The following CHN2 variants were observed in gnomAD, a reference collection of about 807,000 sequenced individuals.
CHN2 encodes chimerin 2.
Under a neutral mutation model 56.3 loss-of-function variants are expected in CHN2, and 35 were observed. The observed-to-expected ratio is 0.62, with a 90% CI of 0.47 to 0.82. The LOEUF (loss-of-function observed/expected upper bound fraction) is 0.82, where lower values mean the gene tolerates loss of function less well. CHN2 is among the 40% of genes least tolerant of loss of function. The pLI, the probability that CHN2 is intolerant of heterozygous loss-of-function variation, is 0.00. For missense variants in CHN2, 491 were observed against 580.5 expected, an observed-to-expected ratio of 0.85 and a Z score of 1.58; for synonymous variants, 210 against 212.8, an observed-to-expected ratio of 0.99 and a Z score of 0.12.
chr7:29,240,798 CTCTTCTTCTTCTTCT>C (rs559491542), intron 1 of CHN2, among the ~76,000 whole-genome samples: 1 of 133,396 alleles, frequency 7.5e-6, no homozygotes, highest in Non-Finnish European at 1.6e-5. Flanking sequence ...CTTCTTCTTC[CTCTTCTTCTTCTTCT>C]TCTTCGTCGT....
At chr7:29,374,417 C>G (rs532105345) in intron 3 of CHN2, among the ~76,000 whole-genome samples, 1 of 151,970 alleles carries the variant, frequency 6.6e-6, no homozygotes, top group African/African-American at 2.4e-5. Flanking sequence ...AAAAAACTTT[C>G]TTTTTTATTG....
At chr7:29,304,143 AAC>A (rs1334490381) in intron 1 of CHN2, among the ~76,000 whole-genome samples, 1 of 152,190 alleles carries the variant, frequency 6.6e-6, no homozygotes, top group South Asian at 2.1e-4. Flanking sequence ...CAAAATGAAA[AAC>A]ACACAAAAAG....
At chr7:29,211,935 A>G (rs539279508) in intron 1 of CHN2, among the ~76,000 whole-genome samples, 9 of 152,334 alleles carry the variant, frequency 5.9e-5, no homozygotes, top group African/African-American at 1.9e-4. Flanking sequence ...GTAAAGAGAA[A>G]ACTATAACGA....
chr7:29,456,630 C>CCACCACCAA lies in CHN2; in HGVS notation c.577-23644_577-23643insCCAACACCA, dbSNP rs1554296790. Among the ~76,000 whole-genome samples, 214 of 143,992 alleles carry CCACCACCAA rather than the reference C, an allele frequency of 1.5e-3. 7 individuals are homozygous for CCACCACCAA. The East Asian group carries it at 0.042, about 28-fold the overall frequency. The allele number at this position is 143,992 out of a possible 152,430, so 94.5% of individuals were successfully genotyped here. On this transcript the variant is annotated intron_variant, in intron 6 of 12. Coordinates refer to ENST00000222792, the MANE Select transcript of CHN2 (RefSeq NM_004067.4). ...ACCCGCCCCCTCCCCCCCACCACCA[C>CCACCACCAA]CACCAACACCCCTCTTCTCGCCATT...
At chr7:29,290,992 G>A (rs1792565061) in intron 1 of CHN2, among the ~76,000 whole-genome samples, 1 of 152,152 alleles carries the variant, frequency 6.6e-6, no homozygotes, top group South Asian at 2.1e-4. Flanking sequence ...CTTTCCGAGG[G>A]TTGCATCTCT....
intron 1 of CHN2, among the ~76,000 whole-genome samples, chr7:29,291,155 G>A (rs1260360204): frequency 6.6e-6 from 1 of 152,108 alleles, no homozygotes; most frequent in African/African-American, 2.4e-5. Context: ...TCTAGAGGAA[G>A]GTCATATACC....
chr7:29,482,089 C>A (rs1437887014), intron 7 of CHN2, among the ~76,000 whole-genome samples: 1 of 152,100 alleles, frequency 6.6e-6, no homozygotes, highest in Non-Finnish European at 1.5e-5. Flanking sequence ...GTTGCTAACA[C>A]AATATATTAC....
At chr7:29,156,422 C>T (rs2128701602) in intron 2 of CHN2, among the ~76,000 whole-genome samples, 1 of 152,212 alleles carries the variant, frequency 6.6e-6, no homozygotes, top group Non-Finnish European at 1.5e-5. Context: ...AAGCTACCTC[C>T]AAAACCCGAA....
At chr7:29,234,648 C>T (rs925508279) in intron 1 of CHN2, among the ~76,000 whole-genome samples, 1 of 152,122 alleles carries the variant, frequency 6.6e-6, no homozygotes, top group Non-Finnish European at 1.5e-5. Context: ...GAGATCTGTA[C>T]CCCTTGTTGT....
chr7:29,480,421 T>C, intron 7 of CHN2, 65 bp downstream of exon 7: 1 of 1,517,292 alleles, frequency 6.6e-7, no homozygotes, highest in South Asian at 1.1e-5. Context: ...CAGTGTATAG[T>C]TTCCGTCTGG....
Position 29,512,576 on chromosome 7 carries a change from T to C in CHN2, c.1248T>C (p.Asn416=). ...GTTTGTTTTGCAGGGTTACTATGAA[T>C]GAAAAAGACAATTTCATGAATGCAG... ...LMIHLKKVTM[N]EKDNFMNAEN... The change falls in exon 13 of 13, where the codon AAT becomes AAC. Residue 416 remains asparagine, a synonymous_variant. Transcript: ENST00000222792. 1 of 1,612,382 alleles carries C rather than the reference T, an allele frequency of 6.2e-7. No individual in the cohort carries two copies. Among genetic ancestry groups the C allele is most frequent in the Non-Finnish European group, 8.5e-7 (1 of 1,179,460 alleles).
chr7:29,368,059 G>A lies in CHN2; in HGVS notation c.144+72G>A, dbSNP rs1799312195. 3.9e-6 allele frequency: 5 copies of A among 1,279,976 alleles called. No individual in the cohort carries two copies. The South Asian group carries it at 7.1e-5, about 18-fold the overall frequency. 79.3% of individuals were successfully genotyped at this position (1,279,976 alleles called of 1,614,324 possible). A position where few individuals can be genotyped will look rare whatever the true frequency, so the allele number is the denominator to read the frequency against. On this transcript the variant is annotated intron_variant, in intron 3 of 12. Transcript: ENST00000222792. ...TGTCAGCACTATGTAGAGAGTGGAGGGATTTCAGGTTTCCTGGGAGTTGAT... is the reference window on the plus strand; with the variant it reads ...TGTCAGCACTATGTAGAGAGTGGAGAGATTTCAGGTTTCCTGGGAGTTGAT...
intron 2 of CHN2, among the ~76,000 whole-genome samples, chr7:29,169,032 C>T (rs1005873902): frequency 1.3e-5 from 2 of 152,208 alleles, no homozygotes; most frequent in Non-Finnish European, 2.9e-5. Flanking sequence ...AAAATGGACT[C>T]AAATTGTGGT....
chr7:29,205,699 C>T (rs982504801), intron 1 of CHN2, among the ~76,000 whole-genome samples: 1 of 152,270 alleles, frequency 6.6e-6, no homozygotes, highest in African/African-American at 2.4e-5. Context: ...TAGAGTTTCT[C>T]TACTCTATGT....
intron 4 of CHN2, among the ~76,000 whole-genome samples, chr7:29,396,418 G>A (rs1039157574): frequency 4.7e-5 from 6 of 128,818 alleles, no homozygotes; most frequent in African/African-American, 1.8e-4. Flanking sequence ...CTGAGATCGC[G>A]CCATTGCACT....
At chr7:29,202,550 A>C (rs1784239250) in intron 1 of CHN2, among the ~76,000 whole-genome samples, 1 of 152,250 alleles carries the variant, frequency 6.6e-6, no homozygotes, top group South Asian at 2.1e-4. Context: ...CATTGGATTC[A>C]GAAACTATAA....
intron 2 of CHN2, among the ~76,000 whole-genome samples, chr7:29,164,993 G>C (rs1305469433): frequency 6.6e-6 from 1 of 151,980 alleles, no homozygotes; most frequent in African/African-American, 2.4e-5. Context: ...TATAGTGTGA[G>C]TTCTACAACT....
At chr7:29,398,340 C>G in intron 4 of CHN2, 33 bp from the exon 5 acceptor site, 1 of 1,474,152 alleles carries the variant, frequency 6.8e-7, no homozygotes. Flanking sequence ...TGTATGTGGT[C>G]TGTTCAGAGC....
At chr7:29,502,395 C>T (rs1181430884) in intron 9 of CHN2, among the ~76,000 whole-genome samples, 1 of 152,136 alleles carries the variant, frequency 6.6e-6, no homozygotes, top group Non-Finnish European at 1.5e-5. Flanking sequence ...TGGAAAAGAG[C>T]ATGCTCCATT....
Sources: gnomAD v4.1 joint callset for allele counts (sites outside exome capture counted in the v4.1 genomes callset) on GRCh38, gnomAD v4.1.1 for gene constraint, MANE v1.5 for transcripts, NCBI Gene and HGNC (gene_info 2026-07-23, HGNC 2026-07-21) for gene names.